ROBO1: variants seen among roughly 807,000 people sequenced by gnomAD.
The protein encoded by ROBO1 is roundabout guidance receptor 1, also known as roundabout homolog 1.
A neutral mutation model predicts 195.9 loss-of-function variants in ROBO1; 149 were observed. The ratio of observed to expected loss-of-function variants is 0.76; its 90% CI spans 0.67 to 0.87. ROBO1 has a LOEUF of 0.87. Among genes scored for constraint, ROBO1 ranks in the 40% least tolerant of loss-of-function variants. The probability of loss-of-function intolerance (pLI) is 0.00; values close to 1 mark genes in which losing one functional copy is unlikely to be tolerated. For synonymous variants in ROBO1, 816 were observed against 733.2 expected, an observed-to-expected ratio of 1.11 and a Z score of -1.82; for missense variants, 1,933 against 2,068.3, an observed-to-expected ratio of 0.93 and a Z score of 1.27.
At chr3:78,706,035 G>C (rs2081543807) in intron 8 of ROBO1, among the ~76,000 whole-genome samples, 1 of 150,426 alleles carries the variant, frequency 6.6e-6, no homozygotes, top group Admixed American at 6.7e-5. Flanking sequence ...ACAAAGCAAA[G>C]TCAGCAAAGT....
At chr3:78,635,665 G>T in intron 23 of ROBO1, 108 bp downstream of exon 23, 1 of 966,658 alleles carries the variant, frequency 1.0e-6, no homozygotes, top group Non-Finnish European at 1.5e-6. Context: ...AAATCTCAGC[G>T]ACAGAAGAAA....
At chr3:78,887,909 A>G (rs2036656995) in intron 4 of ROBO1, among the ~76,000 whole-genome samples, 1 of 152,224 alleles carries the variant, frequency 6.6e-6, no homozygotes, top group South Asian at 2.1e-4. Context: ...TATGATACTC[A>G]GCATCTCCCC....
At chr3:78,680,288 T>C (rs1407766222) in intron 10 of ROBO1, among the ~76,000 whole-genome samples, 3 of 152,122 alleles carry the variant, frequency 2.0e-5, no homozygotes, top group African/African-American at 2.4e-5. Context: ...ACTTCATGTC[T>C]AAAACACCAA....
chr3:79,257,072 G>A (rs1176160257), intron 2 of ROBO1, among the ~76,000 whole-genome samples: 1 of 152,102 alleles, frequency 6.6e-6, no homozygotes, highest in Non-Finnish European at 1.5e-5. Context: ...AAGTCCCTAT[G>A]GGATAACTAA....
intron 4 of ROBO1, among the ~76,000 whole-genome samples, chr3:78,832,367 G>T: frequency 6.6e-6 from 1 of 152,044 alleles, no homozygotes; most frequent in East Asian, 1.9e-4. Context: ...AGGTGTATAT[G>T]CCTCCGCCTT....
At chr3:78,936,008 C>T (rs1413734207) in intron 4 of ROBO1, among the ~76,000 whole-genome samples, 1 of 151,916 alleles carries the variant, frequency 6.6e-6, no homozygotes, top group Non-Finnish European at 1.5e-5. Flanking sequence ...AGCAGCAAAA[C>T]ATTAACCAAT....
At chr3:79,766,470 G>A (rs1396635027) in intron 1 of ROBO1, among the ~76,000 whole-genome samples, 1 of 151,718 alleles carries the variant, frequency 6.6e-6, no homozygotes, top group Non-Finnish European at 1.5e-5. Flanking sequence ...ACTCCTAGAA[G>A]GGTATCCCAG....
chr3:79,440,002 G>C (rs1038689685), intron 2 of ROBO1, among the ~76,000 whole-genome samples: 2 of 152,028 alleles, frequency 1.3e-5, no homozygotes, highest in East Asian at 3.9e-4. Context: ...AAAGAAATCT[G>C]GGACTCTAAC....
intron 1 of ROBO1, among the ~76,000 whole-genome samples, chr3:79,709,280 C>A (rs761827259): frequency 1.4e-4 from 21 of 152,030 alleles, no homozygotes; most frequent in Admixed American, 6.6e-4. Flanking sequence ...TATATTACAG[C>A]TAAAAAATAT....
chr3:78,863,500 C>T (rs902138074), intron 4 of ROBO1, among the ~76,000 whole-genome samples: 1 of 152,082 alleles, frequency 6.6e-6, no homozygotes, highest in Non-Finnish European at 1.5e-5. Context: ...GGAGGTTCTG[C>T]CGAGGGACTG....
At chr3:78,845,245 G>A (rs2033576518) in intron 4 of ROBO1, among the ~76,000 whole-genome samples, 2 of 116,066 alleles carry the variant, frequency 1.7e-5, no homozygotes, top group South Asian at 5.2e-4. Flanking sequence ...ATTCAGATGT[G>A]TGTAAGTATA....
intron 3 of ROBO1, among the ~76,000 whole-genome samples, chr3:79,037,623 A>G (rs903658271): frequency 2.0e-5 from 3 of 152,206 alleles, no homozygotes; most frequent in African/African-American, 7.2e-5. Flanking sequence ...GCTGCTAGAT[A>G]TAGTCGGCTC....
intron 2 of ROBO1, among the ~76,000 whole-genome samples, chr3:79,518,981 A>G (rs911485005): frequency 2.6e-5 from 4 of 151,904 alleles, no homozygotes; most frequent in African/African-American, 9.7e-5. Flanking sequence ...CGCCTGGCCA[A>G]ATGGTCTCCA....
chr3:79,643,343 G>C (rs546319760), intron 1 of ROBO1, among the ~76,000 whole-genome samples: 1 of 152,114 alleles, frequency 6.6e-6, no homozygotes, highest in Non-Finnish European at 1.5e-5. Flanking sequence ...TCAGCTTGCA[G>C]ATGGCCTATT....
intron 2 of ROBO1, among the ~76,000 whole-genome samples, chr3:79,215,183 T>A (rs2082033581): frequency 6.6e-6 from 1 of 152,082 alleles, no homozygotes; most frequent in Admixed American, 6.6e-5. Flanking sequence ...AACAAGGATA[T>A]ATTAGCTCTG....
intron 2 of ROBO1, among the ~76,000 whole-genome samples, chr3:79,402,341 G>T (rs2037398446): frequency 1.3e-5 from 2 of 151,736 alleles, no homozygotes; most frequent in African/African-American, 4.8e-5. Flanking sequence ...TTCTTTCATT[G>T]CTATGTTTAA....
intron 3 of ROBO1, among the ~76,000 whole-genome samples, chr3:79,002,326 A>T (rs2108141833): frequency 6.6e-6 from 1 of 152,240 alleles, no homozygotes; most frequent in Non-Finnish European, 1.5e-5. Flanking sequence ...TTCTTCCAGT[A>T]TTACTATTTC....
In ROBO1 at chr3:78,717,463, T is replaced by C. The variant is rs768534027; in HGVS notation, c.779-50A>G. On this transcript the variant is annotated intron_variant, in intron 6 of 30. Coordinates refer to ENST00000464233, the MANE Select transcript of ROBO1 (RefSeq NM_002941.4). ...AGGTAAAATTTTAAAATGAACCAGC[T>C]GAAAAACACTTTAGGAGTTCAGTAA... 3 of 1,518,242 alleles carry C rather than the reference T, an allele frequency of 2.0e-6. No individual in the cohort carries two copies. In the African/African-American group the frequency reaches 4.1e-5, roughly 21 times the overall value. 94.0% of individuals were successfully genotyped at this position (1,518,242 alleles called of 1,614,324 possible). A position where few individuals can be genotyped will look rare whatever the true frequency, so the allele number is the denominator to read the frequency against.
intron 2 of ROBO1, among the ~76,000 whole-genome samples, chr3:79,557,503 G>C (rs188134747): frequency 2.0e-5 from 3 of 151,798 alleles, no homozygotes; most frequent in African/African-American, 4.8e-5. Context: ...AGAGGCTGAG[G>C]GGGGTGGATC....
Sources: gnomAD v4.1 joint callset for allele counts (sites outside exome capture counted in the v4.1 genomes callset) on GRCh38, gnomAD v4.1.1 for gene constraint, MANE v1.5 for transcripts, NCBI Gene and HGNC (gene_info 2026-07-23, HGNC 2026-07-21) for gene names.